Variants in DERA observed in about 807,000 individuals in gnomAD.
DERA encodes 2-deoxy-D-ribose 5-phosphate aldolase.
In DERA, 15 loss-of-function variants were observed where a neutral mutation model predicts 41.1. That is an observed-to-expected ratio of 0.37 (90% CI 0.24 to 0.56). DERA has a LOEUF of 0.56. DERA is among the 20% of genes least tolerant of loss of function. The pLI, the probability that DERA is intolerant of heterozygous loss-of-function variation, is 0.81. For missense variants in DERA, 396 were observed against 403.4 expected, an observed-to-expected ratio of 0.98 and a Z score of 0.16; for synonymous variants, 139 against 137.4, an observed-to-expected ratio of 1.01 and a Z score of -0.08.
Position 15,982,208 on chromosome 12 carries a change from G to A in DERA, c.509-100G>A. ...TTTTAGAAAGTGACAAATGTTTTAT[G>A]TTTCCTAAATGTGAAATGGGTTCCA... On this transcript the variant is annotated intron_variant, in intron 5 of 8. Coordinates refer to ENST00000428559, the MANE Select transcript of DERA (RefSeq NM_015954.4). This position sits in a 1 kb window ranked among gnomAD's most constrained non-coding sequence, Gnocchi z 4.0. The A allele has an allele frequency of 8.3e-7, 1 of 1,198,396 alleles. No homozygotes were observed. Among genetic ancestry groups the A allele is most frequent in the Non-Finnish European group, 1.2e-6 (1 of 864,824 alleles). 74.2% of individuals were successfully genotyped at this position (1,198,396 alleles called of 1,614,324 possible). A position where few individuals can be genotyped will look rare whatever the true frequency, so the allele number is the denominator to read the frequency against.
intron 5 of DERA, among the ~76,000 whole-genome samples, chr12:15,978,824 C>T (rs2061752): frequency 0.24 from 36,458 of 152,084 alleles, 4,877 homozygotes; most frequent in Admixed American, 0.36. Context: ...TCACTGCTGC[C>T]ACCAACAACT....
chr12:15,963,031 A>C (rs1948599268), intron 5 of DERA, 84 bp downstream of exon 5: 6 of 1,509,060 alleles, frequency 4.0e-6, no homozygotes, highest in Non-Finnish European at 5.3e-6. Flanking sequence ...TATGTTTTAG[A>C]GGTCACTGTT....
rs1310192044 is a variant in DERA at position 15,935,800 on chromosome 12, A to G, written c.32-21136A>G. Reference sequence around the variant, plus strand: ...AACAATAAGCATTTATTATCTCACAACATTTCTCTGGGTCAAAAATTTGAG... The same window carrying G: ...AACAATAAGCATTTATTATCTCACAGCATTTCTCTGGGTCAAAAATTTGAG... On this transcript the variant is annotated intron_variant, in intron 1 of 8. Transcript: ENST00000428559. The surrounding 1 kb of genome is among the most constrained non-coding windows in gnomAD (Gnocchi z 4.8). Among the ~76,000 whole-genome samples, 1 of 152,202 alleles carries G rather than the reference A, an allele frequency of 6.6e-6. No homozygotes were observed. Among genetic ancestry groups the G allele is most frequent in the Non-Finnish European group, 1.5e-5 (1 of 68,042 alleles).
At position 15,984,287 on chromosome 12, in the gene DERA, A is replaced by T. The variant is rs1412655144; in HGVS notation, c.637+1851A>T. ...GTCCTACGCACAGCACCTACTACTC[A>T]TGATACAAATGTGGTATTAGGTCAT... On this transcript the variant is annotated intron_variant, in intron 6 of 8. Coordinates refer to ENST00000428559, the MANE Select transcript of DERA (RefSeq NM_015954.4). The surrounding 1 kb of genome is among the most constrained non-coding windows in gnomAD (Gnocchi z 4.5). Among the ~76,000 whole-genome samples the T allele has an allele frequency of 6.6e-6, 1 of 152,084 alleles. No homozygotes were observed. Among genetic ancestry groups the T allele is most frequent in the Non-Finnish European group, 1.5e-5 (1 of 68,012 alleles).
At chr12:16,022,002 T>C (rs1022906712) in intron 6 of DERA, among the ~76,000 whole-genome samples, 1 of 152,198 alleles carries the variant, frequency 6.6e-6, no homozygotes, top group African/African-American at 2.4e-5. Context: ...AGGGTATTAC[T>C]GTGTTTTGCA....
rs1166946763 is a variant in DERA at position 15,936,459 on chromosome 12, C to G, written c.32-20477C>G. On this transcript the variant is annotated intron_variant, in intron 1 of 8. Transcript: ENST00000428559. This position sits in a 1 kb window ranked among gnomAD's most constrained non-coding sequence, Gnocchi z 4.6. Reference sequence around the variant, plus strand: ...TTTGGAAAACATTTTACTATATGATCTGGCCCTTGCCGCCCTCTCTTTCTT... The same window carrying G: ...TTTGGAAAACATTTTACTATATGATGTGGCCCTTGCCGCCCTCTCTTTCTT... 6.6e-6 allele frequency among the ~76,000 whole-genome samples: 1 copy of G among 152,196 alleles called. No individual in the cohort carries two copies. The highest frequency in any genetic ancestry group is 1.5e-5 in the Non-Finnish European group (1 of 68,034).
chr12:16,005,500 C>T (rs548901683), intron 6 of DERA, among the ~76,000 whole-genome samples: 1 of 152,164 alleles, frequency 6.6e-6, no homozygotes, highest in East Asian at 1.9e-4. Context: ...ATGAAGAAAG[C>T]TTTTATGTTT....
chr12:15,998,049 TAAAGTCA>T lies in DERA; in HGVS notation c.637+15617_637+15623del, dbSNP rs1194604024. ...AGAAATTTGCCCGAGGACAAATAAC[TAAAGTCA>T]AAACACAGAGTCTAGAACAAGGTTC... On this transcript the variant is annotated intron_variant, in intron 6 of 8. Transcript: ENST00000428559. This position sits in a 1 kb window ranked among gnomAD's most constrained non-coding sequence, Gnocchi z 4.8. Among the ~76,000 whole-genome samples the T allele has an allele frequency of 6.6e-6, 1 of 152,146 alleles. No homozygotes were observed. The highest frequency in any genetic ancestry group is 2.4e-5 in the African/African-American group (1 of 41,432).
rs1948951144 is a variant in DERA at position 16,012,208 on chromosome 12, G to C, written c.638-20334G>C. Among the ~76,000 whole-genome samples, 1 of 152,126 alleles carries C rather than the reference G, an allele frequency of 6.6e-6. No individual in the cohort carries two copies. The highest frequency in any genetic ancestry group is 1.5e-5 in the Non-Finnish European group (1 of 68,010). On this transcript the variant is annotated intron_variant, in intron 6 of 8. Transcript: ENST00000428559. This position sits in a 1 kb window ranked among gnomAD's most constrained non-coding sequence, Gnocchi z 4.1. ...GGAGTTGAGTTGAGCACAGAGATGT[G>C]ATACAAGTCCTACACAGTCATGAGT...
intron 1 of DERA, among the ~76,000 whole-genome samples, chr12:15,946,684 A>T (rs1382631284): frequency 1.3e-5 from 2 of 151,488 alleles, no homozygotes; most frequent in Non-Finnish European, 2.9e-5. Context: ...CAGCTCCTGG[A>T]TTCATTGATT....
Position 15,982,539 on chromosome 12 carries a change from T to G in DERA, c.637+103T>G. On this transcript the variant is annotated intron_variant, in intron 6 of 8. Transcript: ENST00000428559. This position sits in a 1 kb window ranked among gnomAD's most constrained non-coding sequence, Gnocchi z 4.0. Reference sequence around the variant, plus strand: ...GCTATTATTAAACGTGCTAACCACTTGGAATTTTTTTGCGGGAGGAATCGG... The same window carrying G: ...GCTATTATTAAACGTGCTAACCACTGGGAATTTTTTTGCGGGAGGAATCGG... The G allele has an allele frequency of 7.7e-7, 1 of 1,298,690 alleles. No individual in the cohort carries two copies. The highest frequency in any genetic ancestry group is 1.0e-6 in the Non-Finnish European group (1 of 958,020). The allele number at this position is 1,298,690 out of a possible 1,614,324, so 80.4% of individuals were successfully genotyped here.
At chr12:15,963,052 A>G (rs1948599345) in intron 5 of DERA, 105 bp downstream of exon 5, 4 of 1,406,686 alleles carry the variant, frequency 2.8e-6, no homozygotes, top group Non-Finnish European at 2.8e-6. Flanking sequence ...CTAGGTGACA[A>G]GTTAGTAGAT....
chr12:15,968,930 C>T (rs1948641953), intron 5 of DERA, among the ~76,000 whole-genome samples: 2 of 152,140 alleles, frequency 1.3e-5, no homozygotes, highest in Admixed American at 1.3e-4. Flanking sequence ...TAATTTATAC[C>T]TAGACCTTGG....
rs1948858608 is a variant in DERA at position 15,999,128 on chromosome 12, G to GC, written c.637+16693dup. Reference sequence around the variant, plus strand: ...GGTGAGGGCTGGAGGGAAGACTGAGGCACTGTGGGAGCGAGGAGGAGGCCA... The same window carrying GC: ...GGTGAGGGCTGGAGGGAAGACTGAGGCCACTGTGGGAGCGAGGAGGAGGCCA... On this transcript the variant is annotated intron_variant, in intron 6 of 8. Coordinates refer to ENST00000428559, the MANE Select transcript of DERA (RefSeq NM_015954.4). This position sits in a 1 kb window ranked among gnomAD's most constrained non-coding sequence, Gnocchi z 5.3. Among the ~76,000 whole-genome samples the GC allele has an allele frequency of 6.6e-6, 1 of 152,162 alleles. No homozygotes were observed. The highest frequency in any genetic ancestry group is 2.1e-4 in the South Asian group (1 of 4,828).
intron 6 of DERA, among the ~76,000 whole-genome samples, chr12:15,986,682 C>T (rs187242507): frequency 1.3e-5 from 2 of 151,544 alleles, no homozygotes; most frequent in African/African-American, 4.9e-5. Flanking sequence ...TACAATGATA[C>T]GAATTTTTAA....
In DERA at chr12:15,988,096, C is replaced by T. The variant is rs191854247; in HGVS notation, c.637+5660C>T. 2.8e-4 allele frequency among the ~76,000 whole-genome samples: 43 copies of T among 152,270 alleles called. No individual in the cohort carries two copies. The highest frequency in any genetic ancestry group is 1.0e-3 in the African/African-American group (43 of 41,556). On this transcript the variant is annotated intron_variant, in intron 6 of 8. Transcript: ENST00000428559. This position sits in a 1 kb window ranked among gnomAD's most constrained non-coding sequence, Gnocchi z 6.0. ...CACATGGTGCCCAAAAACTTGGAGA[C>T]ACCAGGAACCACAGAGCCCCAAAGA...
chr12:15,958,660 A>G (rs1272100454), intron 3 of DERA, among the ~76,000 whole-genome samples: 1 of 152,130 alleles, frequency 6.6e-6, no homozygotes, highest in Non-Finnish European at 1.5e-5. Flanking sequence ...TTCCCTAGCC[A>G]TACGTGAAAA....
chr12:15,912,556 C>T, intron 1 of DERA, among the ~76,000 whole-genome samples: 1 of 152,138 alleles, frequency 6.6e-6, no homozygotes, highest in Non-Finnish European at 1.5e-5. Flanking sequence ...GTTTCTTCAT[C>T]TGTAAAATGG....
Position 15,982,413 on chromosome 12 carries a change from C to A in DERA, c.614C>A (p.Ala205Asp). The change falls in exon 6 of 9, where the codon GCC becomes GAC. Residue 205 changes from alanine to aspartate, a missense_variant. By Grantham distance (126) the Ala-to-Asp change is moderately radical. Transcript: ENST00000428559. This position sits in a 1 kb window ranked among gnomAD's most constrained non-coding sequence, Gnocchi z 4.0. ...GGAACTCTTACTAATGTCTATAAAG[C>A]CAGTATGATAGCAATGATGGCAGGT... ...ELGTLTNVYK[A>D]SMIAMMAGSD... 1 of 1,610,666 alleles carries A rather than the reference C, an allele frequency of 6.2e-7. No homozygotes were observed. The highest frequency in any genetic ancestry group is 8.5e-7 in the Non-Finnish European group (1 of 1,179,136).
Sources: gnomAD v4.1 joint callset for allele counts (sites outside exome capture counted in the v4.1 genomes callset) on GRCh38, gnomAD v4.1.1 for gene constraint, Gnocchi (gnomAD v3.1) non-coding constraint, MANE v1.5 for transcripts, NCBI Gene and HGNC (gene_info 2026-07-23, HGNC 2026-07-21) for gene names.